The following SLC38A6 variants were observed in gnomAD, a reference collection of about 807,000 sequenced individuals.
SLC38A6 encodes the protein N system amino acid transporter NAT-1.
In SLC38A6, 73 loss-of-function variants were observed where a neutral mutation model predicts 65.0. The ratio of observed to expected loss-of-function variants is 1.12; its 90% CI spans 0.93 to 1.37. The LOEUF (loss-of-function observed/expected upper bound fraction) is 1.37. Ranked by LOEUF, SLC38A6 falls within the 40% of genes most tolerant of loss-of-function variation. The pLI is 0.00. For missense variants in SLC38A6, 561 were observed against 531.1 expected (o/e 1.06, Z -0.55); for synonymous variants, 183 against 178.8 (o/e 1.02, Z -0.19).
intron 3 of SLC38A6, among the ~76,000 whole-genome samples, chr14:60,994,020 G>A (rs1050223370): frequency 6.6e-6 from 1 of 152,190 alleles, no homozygotes; most frequent in Non-Finnish European, 1.5e-5. Flanking sequence ...TTGGAATACA[G>A]TTTGGCAGTT....
chr14:61,001,330 T>C (rs1355251893), intron 3 of SLC38A6, among the ~76,000 whole-genome samples: 3 of 152,224 alleles, frequency 2.0e-5, no homozygotes, highest in African/African-American at 7.2e-5. Context: ...ACATTATGTG[T>C]GTGCTCCCCT....
chr14:61,051,784 C>T lies in SLC38A6; in HGVS notation c.1051-3C>T, dbSNP rs2042519283. 1.2e-6 allele frequency: 2 copies of T among 1,610,598 alleles called. No individual in the cohort carries two copies. Among genetic ancestry groups the T allele is most frequent in the Non-Finnish European group, 1.7e-6 (2 of 1,179,106 alleles). ...GCTATATGTTTATTTTTCTGTAATACAGGCCAGAAAAGCTGTAACAATGAT... is the reference window on the plus strand; with the variant it reads ...GCTATATGTTTATTTTTCTGTAATATAGGCCAGAAAAGCTGTAACAATGAT... On this transcript the variant is annotated splice_region_variant and splice_polypyrimidine_tract_variant and intron_variant, in intron 13 of 15. Coordinates refer to ENST00000267488, the MANE Select transcript of SLC38A6 (RefSeq NM_153811.3).
chr14:61,011,602 A>G (rs1184149077), intron 3 of SLC38A6, among the ~76,000 whole-genome samples: 1 of 152,070 alleles, frequency 6.6e-6, no homozygotes, highest in African/African-American at 2.4e-5. Context: ...GGGCTGTTGA[A>G]TTTTGCCAAA....
intron 3 of SLC38A6, among the ~76,000 whole-genome samples, chr14:60,985,196 G>A (rs1356552071): frequency 3.3e-5 from 5 of 152,194 alleles, no homozygotes; most frequent in Admixed American, 3.3e-4. Flanking sequence ...GCTAGTCAGA[G>A]GTAGGGATGG....
chr14:61,062,456 T>C (rs2042881263), intron 15 of SLC38A6, among the ~76,000 whole-genome samples: 1 of 152,170 alleles, frequency 6.6e-6, no homozygotes, highest in African/African-American at 2.4e-5. Context: ...ATCTGTTTAT[T>C]TTCTTTGGTA....
intron 3 of SLC38A6, among the ~76,000 whole-genome samples, chr14:61,011,905 G>A (rs537000064): frequency 6.4e-4 from 98 of 152,312 alleles, no homozygotes; most frequent in African/African-American, 2.2e-3. Context: ...CATACAATGA[G>A]TTAGGGAGGA....
chr14:61,014,032 A>G (rs1566651859), intron 3 of SLC38A6, among the ~76,000 whole-genome samples: 2 of 152,162 alleles, frequency 1.3e-5, no homozygotes. Context: ...AATCAGACGT[A>G]GATTTGGTCT....
chr14:61,025,966 G>A (rs1042264830), intron 5 of SLC38A6, among the ~76,000 whole-genome samples: 4 of 152,066 alleles, frequency 2.6e-5, no homozygotes, highest in African/African-American at 9.7e-5. Context: ...GTTTGTTTAG[G>A]GCTGAGTAAT....
chr14:61,029,907 AT>A (rs2040847368), intron 5 of SLC38A6, among the ~76,000 whole-genome samples: 1 of 152,126 alleles, frequency 6.6e-6, no homozygotes. Flanking sequence ...CTATAATTAT[AT>A]GTGTTCATAA....
intron 4 of SLC38A6, among the ~76,000 whole-genome samples, chr14:61,017,062 A>G (rs1482722168): frequency 4.6e-5 from 7 of 152,096 alleles, no homozygotes; most frequent in Non-Finnish European, 8.8e-5. Flanking sequence ...GTTTTTTCAG[A>G]CAGAGTTTCG....
intron 15 of SLC38A6, among the ~76,000 whole-genome samples, chr14:61,078,570 T>C (rs988361866): frequency 6.6e-6 from 1 of 152,000 alleles, no homozygotes; most frequent in Non-Finnish European, 1.5e-5. Flanking sequence ...TGCCATCGTC[T>C]TCCAAAAGCT....
intron 3 of SLC38A6, among the ~76,000 whole-genome samples, chr14:61,006,416 C>T (rs1347761247): frequency 3.3e-5 from 5 of 152,074 alleles, no homozygotes; most frequent in African/African-American, 4.8e-5. Context: ...AGAAAATTTT[C>T]ACAACCTACT....
chr14:60,981,681 C>G (rs1398158288), intron 1 of SLC38A6: 11 of 1,384,474 alleles, frequency 7.9e-6, no homozygotes, highest in Non-Finnish European at 1.0e-5. Flanking sequence ...ATTATGTACT[C>G]ACTGCTGTTA....
chr14:61,039,349 T>G (rs1054383902), intron 8 of SLC38A6, among the ~76,000 whole-genome samples: 1 of 152,046 alleles, frequency 6.6e-6, no homozygotes, highest in Non-Finnish European at 1.5e-5. Flanking sequence ...CTCTTTTTAA[T>G]TGGCATGTTT....
chr14:61,065,337 C>T (rs767149607), intron 15 of SLC38A6, among the ~76,000 whole-genome samples: 1 of 152,170 alleles, frequency 6.6e-6, no homozygotes, highest in Admixed American at 6.6e-5. Context: ...TTTTAAACTT[C>T]AGCTTAGTAT....
chr14:61,009,783 G>A (rs1457325208), intron 3 of SLC38A6, among the ~76,000 whole-genome samples: 1 of 152,212 alleles, frequency 6.6e-6, no homozygotes, highest in African/African-American at 2.4e-5. Flanking sequence ...GTCTATCATT[G>A]TTGGACATTT....
intron 15 of SLC38A6, 22 bp downstream of exon 15, chr14:61,052,157 C>A: frequency 1.3e-6 from 2 of 1,498,194 alleles, no homozygotes; most frequent in Non-Finnish European, 1.8e-6. Flanking sequence ...TTGTTTCTTT[C>A]TTTCAAGACT....
chr14:60,991,692 T>C (rs1313230704), intron 3 of SLC38A6, among the ~76,000 whole-genome samples: 1 of 152,200 alleles, frequency 6.6e-6, no homozygotes, highest in African/African-American at 2.4e-5. Context: ...CTTTGACAAA[T>C]CTTACCTCTT....
intron 15 of SLC38A6, among the ~76,000 whole-genome samples, chr14:61,076,070 G>T (rs1305167845): frequency 3.3e-5 from 5 of 151,866 alleles, no homozygotes; most frequent in Non-Finnish European, 4.4e-5. Flanking sequence ...CATCAGGCTG[G>T]TCTTGAACTC....
Sources: allele counts gnomAD v4.1 joint callset (sites outside exome capture counted in the v4.1 genomes callset), GRCh38; gene constraint gnomAD v4.1.1; transcripts MANE v1.5; gene names NCBI Gene and HGNC (gene_info 2026-07-23, HGNC 2026-07-21).